Variants in PDE6A observed in about 807,000 individuals in gnomAD.
The protein encoded by PDE6A is rod cGMP-specific 3',5'-cyclic phosphodiesterase subunit alpha.
PDE6A carries 84 observed loss-of-function variants against 106.3 expected under a neutral mutation model. The ratio of observed to expected loss-of-function variants is 0.79; its 90% confidence interval spans 0.66 to 0.95. PDE6A has a LOEUF of 0.95. PDE6A is among the 40% of genes least tolerant of loss of function. PDE6A has a pLI of 0.00. For missense variants in PDE6A, 1,052 were observed against 1,084.9 expected (o/e 0.97, Z 0.43); for synonymous variants, 394 against 386.6 (o/e 1.02, Z -0.23).
At chr5:149,895,392 T>C in intron 12 of PDE6A, 102 bp from the exon 13 acceptor site, 1 of 824,370 alleles carries the variant, frequency 1.2e-6, no homozygotes. Context: ...TGGCCCTCTC[T>C]TTTGAGGTTT....
intron 8 of PDE6A, among the ~76,000 whole-genome samples, chr5:149,899,837 AT>A (rs1239257885): frequency 1.3e-5 from 2 of 152,206 alleles, no homozygotes; most frequent in Non-Finnish European, 2.9e-5. Flanking sequence ...TCTTTCAGAT[AT>A]GGGAGGCAGT....
chr5:149,908,333 G>T (rs948694361), intron 6 of PDE6A, among the ~76,000 whole-genome samples: 1 of 152,100 alleles, frequency 6.6e-6, no homozygotes, highest in African/African-American at 2.4e-5. Flanking sequence ...TATATTCCTA[G>T]GAGAAGAAGT....
chr5:149,922,348 G>T (rs1451017175), intron 4 of PDE6A, among the ~76,000 whole-genome samples: 1 of 151,886 alleles, frequency 6.6e-6, no homozygotes, highest in Non-Finnish European at 1.5e-5. Context: ...GTCTCGCTCT[G>T]TTGCCCAGGC....
chr5:149,906,856 C>A (rs1753210746), intron 7 of PDE6A, among the ~76,000 whole-genome samples: 1 of 152,126 alleles, frequency 6.6e-6, no homozygotes, highest in African/African-American at 2.4e-5. Context: ...ACTGCAACCT[C>A]CGCCTCCCAG....
Position 149,863,265 on chromosome 5 carries a change from T to A in PDE6A, c.2360A>T (p.Glu787Val). The A allele has an allele frequency of 2.5e-6, 4 of 1,614,148 alleles. No homozygotes were observed. Among genetic ancestry groups the A allele is most frequent in the Non-Finnish European group, 3.4e-6 (4 of 1,180,020 alleles). ...GATCTCCTCGTGGAAACGGGAGAAT[T>A]CCTAGAAGAGAGAGTATGTGCCTCT... ...IDFVCTFVYKEFSRFHEEITP... is the reference protein window; with the variant it reads ...IDFVCTFVYKVFSRFHEEITP... Residue 787 changes from glutamate (E) to valine (V), a missense_variant and splice_region_variant, in exon 21 of 22, where the codon GAA becomes GTA. Coordinates refer to ENST00000255266, the MANE Select transcript of PDE6A (RefSeq NM_000440.3). This position sits in a 1 kb window ranked among gnomAD's most constrained non-coding sequence, Gnocchi z 4.7.
intron 14 of PDE6A, among the ~76,000 whole-genome samples, chr5:149,885,978 C>T (rs759138692): frequency 7.2e-5 from 11 of 152,180 alleles, no homozygotes; most frequent in Non-Finnish European, 1.3e-4. Flanking sequence ...GGGGCCCACT[C>T]GAATGAATAA....
chr5:149,898,586 T>G, intron 9 of PDE6A, 80 bp from the exon 10 acceptor site: 67 of 1,416,008 alleles, frequency 4.7e-5, no homozygotes, highest in Non-Finnish European at 5.1e-5. Flanking sequence ...CAAGAGTCTC[T>G]AGGCCTCTGT....
intron 13 of PDE6A, among the ~76,000 whole-genome samples, chr5:149,890,437 C>T (rs1752504656): frequency 6.6e-6 from 1 of 151,910 alleles, no homozygotes; most frequent in African/African-American, 2.4e-5. Context: ...ACAATTAATG[C>T]TAAATCTTCA....
In PDE6A at chr5:149,860,952, C is replaced by T. The variant is rs376909494; in HGVS notation, c.2526G>A (p.Pro842=). ...CACCCCCTGGGCTGGGGTTTCCCCCCGGCTGATTTCCTGCGGCTGCTGCAA... is the reference window on the plus strand; with the variant it reads ...CACCCCCTGGGCTGGGGTTTCCCCCTGGCTGATTTCCTGCGGCTGCTGCAA... ...SAKSAAAGNQ[P]GGNPSPGGAT... is the part of the protein sequence containing the mutation. Residue 842 remains proline (P), a synonymous_variant, in exon 22 of 22, where the codon CCG becomes CCA. Transcript: ENST00000255266. 147 of 1,614,116 alleles carry T rather than the reference C, an allele frequency of 9.1e-5. 1 individual carries two copies. In the Middle Eastern group the frequency reaches 1.5e-3, roughly 16 times the overall value.
chr5:149,870,704 G>A (rs1760501173), intron 17 of PDE6A, among the ~76,000 whole-genome samples: 1 of 150,022 alleles, frequency 6.7e-6, no homozygotes, highest in Non-Finnish European at 1.5e-5. Context: ...GGTCCCAAGT[G>A]CTGTGCTGGG....
intron 16 of PDE6A, 99 bp downstream of exon 16, chr5:149,884,366 GTATATATGTGTGTA>G (rs1761058761): frequency 1.4e-6 from 1 of 707,322 alleles, no homozygotes; most frequent in Non-Finnish European, 2.6e-6. Flanking sequence ...GTGTATATAT[GTATATATGTGTGTA>G]TATATATGTG....
At chr5:149,943,793 A>C (rs951182138) in intron 1 of PDE6A, among the ~76,000 whole-genome samples, 6 of 151,664 alleles carry the variant, frequency 4.0e-5, no homozygotes, top group African/African-American at 1.2e-4. Context: ...TACTGTGTAG[A>C]AGTACTGTGG....
At chr5:149,903,744 G>A (rs1426800585) in intron 7 of PDE6A, 49 bp from the exon 8 acceptor site, 3 of 1,456,400 alleles carry the variant, frequency 2.1e-6, no homozygotes, top group Non-Finnish European at 2.9e-6. Flanking sequence ...GCCTGAGAGG[G>A]TGCCCAGTGA....
At chr5:149,890,123 T>G (rs1365955897) in intron 13 of PDE6A, among the ~76,000 whole-genome samples, 1 of 151,796 alleles carries the variant, frequency 6.6e-6, no homozygotes, top group Admixed American at 6.6e-5. Context: ...TAGGCTAATT[T>G]TTAAAATATT....
chr5:149,940,505 C>CTTTTTTTTTTTTT (rs56930344), intron 1 of PDE6A, among the ~76,000 whole-genome samples: 21,041 of 135,298 alleles, frequency 0.16, 1,721 homozygotes, highest in African/African-American at 0.23. Flanking sequence ...TGTTTGAATC[C>CTTTTTTTTTTTTT]TTTTTTTTTT....
chr5:149,928,531 C>G (rs573698871), intron 4 of PDE6A, among the ~76,000 whole-genome samples: 267 of 152,008 alleles, frequency 1.8e-3, no homozygotes, highest in African/African-American at 6.2e-3. Context: ...CCACCGCGCC[C>G]GGCCTGTATG....
At chr5:149,884,747 C>A in intron 15 of PDE6A, 33 bp downstream of exon 15, 1 of 1,580,780 alleles carries the variant, frequency 6.3e-7, no homozygotes, top group Non-Finnish European at 8.7e-7. Context: ...GATCCAGGCC[C>A]CGCGGCCTGT....
At chr5:149,930,446 T>C (rs897373058) in intron 4 of PDE6A, among the ~76,000 whole-genome samples, 2 of 152,184 alleles carry the variant, frequency 1.3e-5, no homozygotes, top group African/African-American at 2.4e-5. Flanking sequence ...ATTAGCCTCA[T>C]AAGGCAGAAG....
intron 9 of PDE6A, among the ~76,000 whole-genome samples, chr5:149,898,895 G>T (rs1161572176): frequency 6.6e-6 from 1 of 152,120 alleles, no homozygotes; most frequent in East Asian, 1.9e-4. Flanking sequence ...ACAGGGTCTT[G>T]CTCTGTCACC....
Sources: allele counts gnomAD v4.1 joint callset (sites outside exome capture counted in the v4.1 genomes callset), GRCh38; gene constraint gnomAD v4.1.1; non-coding constraint Gnocchi (gnomAD v3.1); transcripts MANE v1.5; gene names NCBI Gene and HGNC (gene_info 2026-07-23, HGNC 2026-07-21).